Variants in NKAIN2 observed in about 807,000 individuals in gnomAD.
NKAIN2 encodes the protein sodium/potassium transporting ATPase interacting 2, also known as sodium/potassium-transporting ATPase subunit beta-1-interacting protein 2.
In NKAIN2, 14 loss-of-function variants were observed where a neutral mutation model predicts 32.6. The ratio of observed to expected loss-of-function variants is 0.43; its 90% CI spans 0.28 to 0.67. The LOEUF (loss-of-function observed/expected upper bound fraction) is 0.67, where lower values mean the gene tolerates loss of function less well. Among genes scored for constraint, NKAIN2 ranks in the 30% least tolerant of loss-of-function variants. NKAIN2 has a pLI of 0.17. For synonymous variants in NKAIN2, 80 were observed against 87.2 expected (o/e 0.92, Z 0.46); for missense variants, 198 against 258.3 (o/e 0.77, Z 1.60).
intron 3 of NKAIN2, among the ~76,000 whole-genome samples, chr6:124,609,688 A>G (rs1392190103): frequency 1.3e-5 from 2 of 151,732 alleles, no homozygotes; most frequent in Non-Finnish European, 2.9e-5. Context: ...TTTCACTTTT[A>G]CATGAACGCA....
At position 124,536,411 on chromosome 6, in the gene NKAIN2, T is replaced by C. The variant is rs1204699458; in HGVS notation, c.274-121775T>C. ...ATTAAGCTTCCTCCATGACCTCTTGTTGTCCACTGGATAACCAAACCCTGC... is the reference window on the plus strand; with the variant it reads ...ATTAAGCTTCCTCCATGACCTCTTGCTGTCCACTGGATAACCAAACCCTGC... On this transcript the variant is annotated intron_variant, in intron 3 of 6. Coordinates refer to ENST00000368417, the MANE Select transcript of NKAIN2 (RefSeq NM_001040214.3). Among the ~76,000 whole-genome samples the C allele has an allele frequency of 1.2e-4, 18 of 152,268 alleles. No homozygotes were observed. The South Asian group carries it at 1.7e-3, about 14-fold the overall frequency.
intron 1 of NKAIN2, among the ~76,000 whole-genome samples, chr6:124,181,536 C>G (rs1387828475): frequency 6.6e-6 from 1 of 152,118 alleles, no homozygotes; most frequent in Non-Finnish European, 1.5e-5. Flanking sequence ...CAAACCATAT[C>G]TCTGTGAATA....
intron 4 of NKAIN2, among the ~76,000 whole-genome samples, chr6:124,734,543 G>C (rs376107437): frequency 6.6e-6 from 1 of 151,876 alleles, no homozygotes; most frequent in Non-Finnish European, 1.5e-5. Flanking sequence ...CTCCCTGACA[G>C]AGCCCAGAAA....
In NKAIN2 at chr6:124,760,043, C is replaced by T. The variant is rs536598401; in HGVS notation, c.475-31296C>T. ...TTGACTGTGTAACAGTGAAAGCTTC[C>T]GCTCAGAGAATGGCCCTGTTAAAAA... is the stretch of plus-strand genomic sequence containing the variant. On this transcript the variant is annotated intron_variant, in intron 4 of 6. Transcript: ENST00000368417. Among the ~76,000 whole-genome samples, 72 of 151,994 alleles carry T rather than the reference C, an allele frequency of 4.7e-4. 1 individual carries two copies. The South Asian group carries it at 0.011, about 22-fold the overall frequency.
At chr6:124,368,611 C>G (rs1391762385) in intron 3 of NKAIN2, among the ~76,000 whole-genome samples, 1 of 151,954 alleles carries the variant, frequency 6.6e-6, no homozygotes, top group African/African-American at 2.4e-5. Context: ...CTCATAGGCA[C>G]CATGCATAGA....
chr6:124,643,590 C>G (rs907423875), intron 3 of NKAIN2, among the ~76,000 whole-genome samples: 6 of 152,100 alleles, frequency 3.9e-5, no homozygotes, highest in Admixed American at 3.9e-4. Flanking sequence ...ATCTTACTAT[C>G]TTATATAGAT....
intron 4 of NKAIN2, among the ~76,000 whole-genome samples, chr6:124,786,846 A>C (rs932189607): frequency 5.3e-5 from 8 of 152,168 alleles, no homozygotes; most frequent in African/African-American, 1.9e-4. Context: ...GGAACAAAAT[A>C]AAATTATTTT....
chr6:124,627,821 G>A (rs1419248977), intron 3 of NKAIN2, among the ~76,000 whole-genome samples: 8 of 151,940 alleles, frequency 5.3e-5, no homozygotes, highest in Admixed American at 2.6e-4. Flanking sequence ...CACCCCCACG[G>A]CGACATTCCA....
At chr6:124,478,986 C>G (rs575914381) in intron 3 of NKAIN2, among the ~76,000 whole-genome samples, 1 of 152,242 alleles carries the variant, frequency 6.6e-6, no homozygotes, top group South Asian at 2.1e-4. Context: ...AAGAATAGCA[C>G]TTTACCTCTG....
intron 3 of NKAIN2, among the ~76,000 whole-genome samples, chr6:124,550,772 A>G (rs937807954): frequency 6.6e-6 from 1 of 152,206 alleles, no homozygotes; most frequent in African/African-American, 2.4e-5. Flanking sequence ...AACTTGAGAC[A>G]CTATTCATTG....
At chr6:124,016,372 T>C (rs1481131767) in intron 1 of NKAIN2, among the ~76,000 whole-genome samples, 2 of 152,148 alleles carry the variant, frequency 1.3e-5, no homozygotes, top group African/African-American at 4.8e-5. Flanking sequence ...TCATATACAA[T>C]GTTTGTTGTG....
At chr6:124,234,932 G>A (rs1412223484) in intron 1 of NKAIN2, among the ~76,000 whole-genome samples, 4 of 152,080 alleles carry the variant, frequency 2.6e-5, no homozygotes, top group Admixed American at 2.6e-4. Flanking sequence ...TCCCCTAGTA[G>A]TGCCAATTTT....
intron 1 of NKAIN2, among the ~76,000 whole-genome samples, chr6:124,174,366 A>G (rs1789053004): frequency 6.6e-6 from 1 of 152,174 alleles, no homozygotes; most frequent in Non-Finnish European, 1.5e-5. Flanking sequence ...TGTCTCCTTA[A>G]ATAAAAGGCA....
At chr6:124,522,274 A>T (rs938288116) in intron 3 of NKAIN2, among the ~76,000 whole-genome samples, 1 of 152,198 alleles carries the variant, frequency 6.6e-6, no homozygotes, top group Non-Finnish European at 1.5e-5. Flanking sequence ...ATAATATAGA[A>T]TATGTTACTA....
At chr6:124,466,020 A>T (rs1238650529) in intron 3 of NKAIN2, among the ~76,000 whole-genome samples, 3 of 152,120 alleles carry the variant, frequency 2.0e-5, no homozygotes, top group African/African-American at 4.8e-5. Context: ...TATTTTTTTA[A>T]ATCATTAACC....
At chr6:124,115,639 A>G (rs776680950) in intron 1 of NKAIN2, among the ~76,000 whole-genome samples, 1 of 152,138 alleles carries the variant, frequency 6.6e-6, no homozygotes, top group Non-Finnish European at 1.5e-5. Context: ...TTAATCAGCA[A>G]TGTAATCCTT....
chr6:124,410,181 G>GTC (rs1343449127), intron 3 of NKAIN2, among the ~76,000 whole-genome samples: 1 of 151,964 alleles, frequency 6.6e-6, no homozygotes, highest in East Asian at 1.9e-4. Flanking sequence ...GGTTTTTTGT[G>GTC]TCTCTCTCTC....
intron 1 of NKAIN2, among the ~76,000 whole-genome samples, chr6:124,186,430 A>G (rs1686121278): frequency 6.6e-6 from 1 of 152,074 alleles, no homozygotes; most frequent in African/African-American, 2.4e-5. Context: ...CAACAGAGCA[A>G]GCCCCGTCTT....
chr6:124,267,481 TAAAA>T (rs71541244), intron 1 of NKAIN2, among the ~76,000 whole-genome samples: 25 of 97,750 alleles, frequency 2.6e-4, no homozygotes, highest in African/African-American at 8.0e-4. Flanking sequence ...ACCATGTCTC[TAAAA>T]AAAAAAAAAA....
Sources: gnomAD v4.1 joint callset for allele counts (sites outside exome capture counted in the v4.1 genomes callset) on GRCh38, gnomAD v4.1.1 for gene constraint, MANE v1.5 for transcripts, NCBI Gene and HGNC (gene_info 2026-07-23, HGNC 2026-07-21) for gene names.